Variants in SPATS2 observed in about 807,000 individuals in gnomAD.
SPATS2 encodes the protein spermatogenesis associated serine rich 2, also known as spermatogenesis-associated serine-rich protein 2.
Under a neutral mutation model 63.7 loss-of-function variants are expected in SPATS2, and 38 were observed. The ratio of observed to expected loss-of-function variants is 0.60; its 90% CI spans 0.46 to 0.78. The LOEUF is 0.78. Among genes scored for constraint, SPATS2 ranks in the 30% least tolerant of loss-of-function variants. SPATS2 has a pLI of 0.00. For synonymous variants in SPATS2, 207 were observed against 232.9 expected (o/e 0.89, Z 1.01); for missense variants, 588 against 666.2 (o/e 0.88, Z 1.29).
chr12:49,507,064 A>G (rs527747074), intron 9 of SPATS2, among the ~76,000 whole-genome samples: 1 of 152,306 alleles, frequency 6.6e-6, no homozygotes, highest in African/African-American at 2.4e-5. Context: ...TAAGTTCAAT[A>G]AAGTAAAACT....
intron 5 of SPATS2, chr12:49,490,434 A>G: frequency 2.1e-6 from 1 of 467,420 alleles, no homozygotes; most frequent in Non-Finnish European, 3.8e-6. Flanking sequence ...CAGCTACATT[A>G]GTCTCTTCTT....
chr12:49,394,798 G>A (rs1450542957), intron 2 of SPATS2, among the ~76,000 whole-genome samples: 2 of 152,102 alleles, frequency 1.3e-5, no homozygotes, highest in Non-Finnish European at 2.9e-5. Flanking sequence ...AAGGCCGGGC[G>A]TGGTGCCTCA....
At chr12:49,447,711 T>G (rs1288260198) in intron 2 of SPATS2, among the ~76,000 whole-genome samples, 1 of 152,188 alleles carries the variant, frequency 6.6e-6, no homozygotes, top group Non-Finnish European at 1.5e-5. Flanking sequence ...TAATGTAAGT[T>G]TTTCTAGGAA....
chr12:49,513,780 A>G (rs770832042), intron 9 of SPATS2, among the ~76,000 whole-genome samples: 3 of 152,214 alleles, frequency 2.0e-5, no homozygotes, highest in Non-Finnish European at 4.4e-5. Flanking sequence ...TAAATTTACT[A>G]TGCCCTAGTG....
At chr12:49,518,909 A>G (rs1946892592) in intron 10 of SPATS2, among the ~76,000 whole-genome samples, 164 bp from the exon 11 acceptor site, 1 of 152,216 alleles carries the variant, frequency 6.6e-6, no homozygotes, top group Non-Finnish European at 1.5e-5. Flanking sequence ...GCCTTCAGAG[A>G]CCCAATGGAA....
intron 2 of SPATS2, among the ~76,000 whole-genome samples, chr12:49,445,298 T>C (rs1034173714): frequency 3.3e-5 from 5 of 152,114 alleles, no homozygotes; most frequent in African/African-American, 1.2e-4. Flanking sequence ...AAACCATGAA[T>C]GGGTATGGGT....
At chr12:49,374,282 T>C (rs1278049769) in intron 2 of SPATS2, among the ~76,000 whole-genome samples, 1 of 152,096 alleles carries the variant, frequency 6.6e-6, no homozygotes, top group African/African-American at 2.4e-5. Context: ...GCACACACCA[T>C]GGCAGTCAGC....
chr12:49,417,014 A>G (rs1944900649), intron 2 of SPATS2, among the ~76,000 whole-genome samples: 1 of 152,324 alleles, frequency 6.6e-6, no homozygotes, highest in Non-Finnish European at 1.5e-5. Context: ...GGGAGATGAA[A>G]GATGGCCTCT....
chr12:49,467,044 GTTTTTTTTTTTTTTT>G (rs59350335), intron 3 of SPATS2, among the ~76,000 whole-genome samples: 2 of 75,778 alleles, frequency 2.6e-5, no homozygotes. Flanking sequence ...TTTGTTCTTT[GTTTTTTTTTTTTTTT>G]TTTTTTTTTT....
chr12:49,464,034 A>G (rs755969532), intron 3 of SPATS2, among the ~76,000 whole-genome samples: 1 of 152,182 alleles, frequency 6.6e-6, no homozygotes, highest in Non-Finnish European at 1.5e-5. Flanking sequence ...GTATATAGAA[A>G]TGAAGAGTGT....
chr12:49,478,216 C>T (rs575338711), intron 3 of SPATS2, among the ~76,000 whole-genome samples: 29 of 152,142 alleles, frequency 1.9e-4, no homozygotes, highest in African/African-American at 6.5e-4. Flanking sequence ...TGGCCTCAGG[C>T]GATACTCCTA....
intron 7 of SPATS2, among the ~76,000 whole-genome samples, chr12:49,496,577 A>C (rs768488643): frequency 8.5e-5 from 13 of 152,214 alleles, no homozygotes; most frequent in Non-Finnish European, 1.2e-4. Flanking sequence ...ACAGGGATTG[A>C]GCTCCCTATC....
Position 49,468,936 on chromosome 12 carries a change from G to A in SPATS2, c.25+7899G>A, listed in dbSNP as rs189816957. On this transcript the variant is annotated intron_variant, in intron 3 of 13. Coordinates refer to ENST00000552918, the MANE Select transcript of SPATS2 (RefSeq NM_023071.4). ...CTGTAACCATTTGATTTACATAAAGGAGTACTTAATAAAAATCTTTACAAA... is the reference window on the plus strand; with the variant it reads ...CTGTAACCATTTGATTTACATAAAGAAGTACTTAATAAAAATCTTTACAAA... 8.3e-4 allele frequency among the ~76,000 whole-genome samples: 127 copies of A among 152,140 alleles called. 1 individual carries two copies. The highest frequency in any genetic ancestry group is 2.8e-3 in the African/African-American group (117 of 41,502).
At chr12:49,405,142 C>A (rs1289860619) in intron 2 of SPATS2, among the ~76,000 whole-genome samples, 2 of 152,132 alleles carry the variant, frequency 1.3e-5, no homozygotes, top group Non-Finnish European at 2.9e-5. Context: ...ATTATTATTT[C>A]ATTGTACCAT....
At chr12:49,421,982 C>T (rs1178730314) in intron 2 of SPATS2, among the ~76,000 whole-genome samples, 1 of 152,108 alleles carries the variant, frequency 6.6e-6, no homozygotes. Flanking sequence ...CATATAAATT[C>T]GTTGCAATTC....
intron 2 of SPATS2, among the ~76,000 whole-genome samples, chr12:49,414,586 C>G (rs1175341616): frequency 6.6e-6 from 1 of 152,064 alleles, no homozygotes; most frequent in African/African-American, 2.4e-5. Flanking sequence ...TGGATTTGAT[C>G]TTTGCCCAGA....
At chr12:49,432,998 C>A (rs1303303509) in intron 2 of SPATS2, among the ~76,000 whole-genome samples, 7 of 152,296 alleles carry the variant, frequency 4.6e-5, no homozygotes, top group Non-Finnish European at 1.0e-4. Context: ...ATACTGTTTT[C>A]CATAGTGGCC....
chr12:49,417,517 T>C (rs1259992533), intron 2 of SPATS2, among the ~76,000 whole-genome samples: 1 of 152,224 alleles, frequency 6.6e-6, no homozygotes, highest in Non-Finnish European at 1.5e-5. Flanking sequence ...AAGGCTTTGC[T>C]CACCTTATGT....
chr12:49,525,299 T>G (rs564729477), intron 13 of SPATS2, among the ~76,000 whole-genome samples: 13 of 152,132 alleles, frequency 8.5e-5, no homozygotes, highest in African/African-American at 3.1e-4. Context: ...AGTGAACTGG[T>G]GGGGATGGGG....
Sources: gnomAD v4.1 joint callset for allele counts (sites outside exome capture counted in the v4.1 genomes callset) on GRCh38, gnomAD v4.1.1 for gene constraint, MANE v1.5 for transcripts, NCBI Gene and HGNC (gene_info 2026-07-23, HGNC 2026-07-21) for gene names.